Variants in CRACDL observed in about 807,000 individuals in gnomAD.
CRACDL encodes the protein CRACD like.
A neutral mutation model predicts 70.6 loss-of-function variants in CRACDL; 26 were observed. The observed-to-expected ratio is 0.37, with a 90% CI of 0.27 to 0.51. The LOEUF (loss-of-function observed/expected upper bound fraction) is 0.51, where lower values mean the gene tolerates loss of function less well. Ranked by LOEUF, CRACDL falls within the 20% of genes least tolerant of loss-of-function variation. The pLI, the probability that CRACDL is intolerant of heterozygous loss-of-function variation, is 0.94. For synonymous variants in CRACDL, 618 were observed against 615.2 expected (o/e 1.00, Z -0.07); for missense variants, 1,283 against 1,376.9 (o/e 0.93, Z 1.08).
rs1194549167 is a variant in CRACDL at position 98,794,411 on chromosome 2, T to A, written c.*121A>T. ...GGTTCCTTCCTCTTCCCCAAGTTCG[T>A]CATAACTTGATGATAAAATCAATCT... is the stretch of plus-strand genomic sequence containing the variant. On this transcript the variant is annotated 3_prime_UTR_variant, in exon 10 of 10. Coordinates refer to ENST00000397899, the MANE Select transcript of CRACDL (RefSeq NM_207362.3). The A allele has an allele frequency of 2.1e-6, 2 of 934,356 alleles. No individual in the cohort carries two copies. Among genetic ancestry groups the A allele is most frequent in the East Asian group, 2.4e-5 (1 of 40,834 alleles). 57.9% of individuals were successfully genotyped at this position (934,356 alleles called of 1,614,324 possible). A position where few individuals can be genotyped will look rare whatever the true frequency, so the allele number is the denominator to read the frequency against.
chr2:98,928,745 C>A (rs1708995121), intron 1 of CRACDL, among the ~76,000 whole-genome samples: 1 of 152,020 alleles, frequency 6.6e-6, no homozygotes, highest in African/African-American at 2.4e-5. Flanking sequence ...CCAAGCCTCA[C>A]AAAGCAAGTG....
chr2:98,928,131 T>G (rs1487787780), intron 1 of CRACDL, among the ~76,000 whole-genome samples: 3 of 151,524 alleles, frequency 2.0e-5, no homozygotes, highest in African/African-American at 7.3e-5. Flanking sequence ...GTTGCAGTGA[T>G]CAGAAATGGC....
chr2:98,870,055 T>C (rs938527408), intron 1 of CRACDL, among the ~76,000 whole-genome samples: 2 of 152,104 alleles, frequency 1.3e-5, no homozygotes, highest in Non-Finnish European at 2.9e-5. Flanking sequence ...GTGGCTCCTA[T>C]CTGATTACCT....
At chr2:98,797,077 G>C (rs1703855064) in intron 8 of CRACDL, among the ~76,000 whole-genome samples, 1 of 152,244 alleles carries the variant, frequency 6.6e-6, no homozygotes, top group African/African-American at 2.4e-5. Context: ...GGAGTAGAGA[G>C]CTGTCTGCAC....
At chr2:98,900,608 T>C (rs1708253809) in intron 1 of CRACDL, among the ~76,000 whole-genome samples, 1 of 152,092 alleles carries the variant, frequency 6.6e-6, no homozygotes, top group South Asian at 2.1e-4. Context: ...TGCATGTGTG[T>C]GGGCGTGTGC....
At chr2:98,886,370 T>TAAC (rs1377060986) in intron 1 of CRACDL, among the ~76,000 whole-genome samples, 1 of 152,192 alleles carries the variant, frequency 6.6e-6, no homozygotes, top group Non-Finnish European at 1.5e-5. Context: ...AGGAAGTGAA[T>TAAC]AACAGTTGGG....
intron 1 of CRACDL, among the ~76,000 whole-genome samples, chr2:98,917,085 G>A (rs1365837215): frequency 6.6e-6 from 1 of 152,092 alleles, no homozygotes; most frequent in African/African-American, 2.4e-5. Flanking sequence ...TTCTCCCTCC[G>A]GCTCGGCCCA....
At chr2:98,856,695 A>G (rs1706714312) in intron 1 of CRACDL, among the ~76,000 whole-genome samples, 1 of 152,240 alleles carries the variant, frequency 6.6e-6, no homozygotes, top group South Asian at 2.1e-4. Context: ...AACAACAAAA[A>G]GGAGGAGGGT....
At chr2:98,840,647 T>G (rs1446609479) in intron 2 of CRACDL, 1 of 152,202 alleles carries the variant, frequency 6.6e-6, no homozygotes, top group African/African-American at 2.4e-5. Flanking sequence ...GTTGTCAATT[T>G]CCACTTTACA....
At chr2:98,868,068 G>T (rs762478943) in intron 1 of CRACDL, among the ~76,000 whole-genome samples, 1 of 152,194 alleles carries the variant, frequency 6.6e-6, no homozygotes. Flanking sequence ...AGGCACTGAG[G>T]TTTCATTCTT....
chr2:98,931,324 CAAAA>C (rs530900049), intron 1 of CRACDL, among the ~76,000 whole-genome samples: 15 of 96,254 alleles, frequency 1.6e-4, no homozygotes, highest in African/African-American at 3.0e-4. Context: ...GACTCCATCT[CAAAA>C]AAAAAAAAAA....
intron 1 of CRACDL, among the ~76,000 whole-genome samples, chr2:98,884,454 A>G (rs1707747767): frequency 6.6e-6 from 1 of 152,230 alleles, no homozygotes; most frequent in African/African-American, 2.4e-5. Context: ...CCTCTTCCAC[A>G]GTGACAGAGC....
chr2:98,890,847 A>G (rs1707946368), intron 1 of CRACDL, among the ~76,000 whole-genome samples: 1 of 152,130 alleles, frequency 6.6e-6, no homozygotes, highest in Admixed American at 6.5e-5. Context: ...ACCTGAGGTC[A>G]GTAGTTCGAG....
At chr2:98,857,704 T>C (rs1706763203) in intron 1 of CRACDL, among the ~76,000 whole-genome samples, 2 of 152,156 alleles carry the variant, frequency 1.3e-5, no homozygotes, top group Non-Finnish European at 2.9e-5. Flanking sequence ...GATTTAACCA[T>C]ACCAACGACA....
In CRACDL at chr2:98,822,321, C is replaced by T. The variant is rs557788758; in HGVS notation, c.1952G>A (p.Arg651His). Residue 651 changes from arginine (R) to histidine (H), a missense_variant, in exon 7 of 10, where the codon CGC becomes CAC. Arg to His is a conservative substitution (Grantham distance 29). Transcript: ENST00000397899. This position sits in a 1 kb window ranked among gnomAD's most constrained non-coding sequence, Gnocchi z 4.9. Reference sequence around the variant, plus strand: ...GGCGGCCGCCTCCTGAGGGCTCTTGCGCGGCCCGGCCGGGCTGGCCGCCCT... The same window carrying T: ...GGCGGCCGCCTCCTGAGGGCTCTTGTGCGGCCCGGCCGGGCTGGCCGCCCT... Reference protein sequence around the residue: ...GDRAASPAGPRKSPQEAAAAP... With the variant: ...GDRAASPAGPHKSPQEAAAAP... 2 of 1,468,514 alleles carry T rather than the reference C, an allele frequency of 1.4e-6. No individual in the cohort carries two copies. Among genetic ancestry groups the T allele is most frequent in the Non-Finnish European group, 1.8e-6 (2 of 1,121,342 alleles). The allele number at this position is 1,468,514 out of a possible 1,614,324, so 91.0% of individuals were successfully genotyped here.
intron 1 of CRACDL, among the ~76,000 whole-genome samples, chr2:98,878,857 A>T (rs1400408912): frequency 6.6e-6 from 1 of 152,216 alleles, no homozygotes; most frequent in African/African-American, 2.4e-5. Flanking sequence ...AAGTTGAAAA[A>T]TCCTAAATTG....
At chr2:98,928,238 C>T (rs1708982142) in intron 1 of CRACDL, among the ~76,000 whole-genome samples, 1 of 151,874 alleles carries the variant, frequency 6.6e-6, no homozygotes, top group Non-Finnish European at 1.5e-5. Flanking sequence ...CAAAACAATA[C>T]AGACATTACC....
chr2:98,857,617 G>A (rs1706759706), intron 1 of CRACDL, among the ~76,000 whole-genome samples: 1 of 152,108 alleles, frequency 6.6e-6, no homozygotes, highest in Non-Finnish European at 1.5e-5. Context: ...TACACTTAAA[G>A]GGAAGTAGTA....
At chr2:98,857,211 A>G (rs1044712304) in intron 1 of CRACDL, among the ~76,000 whole-genome samples, 2 of 152,240 alleles carry the variant, frequency 1.3e-5, no homozygotes, top group Admixed American at 6.5e-5. Context: ...GGAGTAAGAA[A>G]ATGACATCAG....
Sources: allele counts gnomAD v4.1 joint callset (sites outside exome capture counted in the v4.1 genomes callset), GRCh38; gene constraint gnomAD v4.1.1; non-coding constraint Gnocchi (gnomAD v3.1); transcripts MANE v1.5; gene names NCBI Gene and HGNC (gene_info 2026-07-23, HGNC 2026-07-21).